SLC35F3: variants seen among roughly 807,000 people sequenced by gnomAD.
The protein encoded by SLC35F3 is solute carrier family 35 member F3, also known as putative thiamine transporter SLC35F3.
A neutral mutation model predicts 49.9 loss-of-function variants in SLC35F3; 25 were observed. The ratio of observed to expected loss-of-function variants is 0.50; its 90% CI spans 0.37 to 0.70. The LOEUF is 0.70. SLC35F3 is among the 30% of genes least tolerant of loss of function. The pLI is 0.00. For synonymous variants in SLC35F3, 275 were observed against 265.4 expected (o/e 1.04, Z -0.35); for missense variants, 525 against 639.8 (o/e 0.82, Z 1.94).
chr1:234,323,570 C>T lies in SLC35F3; in HGVS notation c.*327C>T. 5.7e-6 allele frequency: 2 copies of T among 348,958 alleles called. No individual in the cohort carries two copies. Among genetic ancestry groups the T allele is most frequent in the South Asian group, 8.0e-5 (2 of 25,064 alleles). The allele number at this position is 348,958 out of a possible 1,614,324, so 21.6% of individuals were successfully genotyped here. On this transcript the variant is annotated 3_prime_UTR_variant, in exon 8 of 8. Transcript: ENST00000366618. The surrounding 1 kb of genome is among the most constrained non-coding windows in gnomAD (Gnocchi z 4.5). ...TCAGGGCAAGTGTTTTGAATCTTAG[C>T]AAGTGTTTTGAATCTTAGCAACTGA...
At chr1:234,108,758 T>C (rs1467092527) in intron 2 of SLC35F3, among the ~76,000 whole-genome samples, 4 of 101,266 alleles carry the variant, frequency 3.9e-5, no homozygotes, top group African/African-American at 1.4e-4. Flanking sequence ...AAAAGATATA[T>C]ATAAATATAT....
chr1:234,155,222 T>C (rs1666132737), intron 2 of SLC35F3, among the ~76,000 whole-genome samples: 1 of 152,162 alleles, frequency 6.6e-6, no homozygotes, highest in South Asian at 2.1e-4. Context: ...AGGGGGAGAA[T>C]TGATTTATCT....
intron 2 of SLC35F3, among the ~76,000 whole-genome samples, chr1:234,164,091 C>CCTCT (rs1012972251): frequency 1.3e-5 from 2 of 150,984 alleles, no homozygotes; most frequent in African/African-American, 4.9e-5. Flanking sequence ...TGTCTCTCTC[C>CCTCT]CTCTCTCTCT....
At chr1:233,952,015 A>T (rs371904869) in intron 2 of SLC35F3, among the ~76,000 whole-genome samples, 1 of 152,098 alleles carries the variant, frequency 6.6e-6, no homozygotes, top group African/African-American at 2.4e-5. Context: ...CTCTAATCCC[A>T]ATAACTTTTC....
In SLC35F3 at chr1:234,231,318, C is replaced by T; in HGVS notation, c.284-99C>T. On this transcript the variant is annotated intron_variant, in intron 2 of 7. Transcript: ENST00000366618. The surrounding 1 kb of genome is among the most constrained non-coding windows in gnomAD (Gnocchi z 5.4). ...CTGCACCCGCTATCTCCCCGGGCCC[C>T]CAGGTAGCTGGTGGTGACAATGGCT... 9.5e-7 allele frequency: 1 copy of T among 1,057,592 alleles called. No individual in the cohort carries two copies. The highest frequency in any genetic ancestry group is 1.3e-6 in the Non-Finnish European group (1 of 756,900). 65.5% of individuals were successfully genotyped at this position (1,057,592 alleles called of 1,614,324 possible).
At chr1:234,185,488 CATTA>C (rs1666629693) in intron 2 of SLC35F3, among the ~76,000 whole-genome samples, 1 of 152,152 alleles carries the variant, frequency 6.6e-6, no homozygotes, top group African/African-American at 2.4e-5. Flanking sequence ...ATTTATTATT[CATTA>C]ATTAGTAGCT....
chr1:234,189,140 A>C (rs1666692662), intron 2 of SLC35F3, among the ~76,000 whole-genome samples: 1 of 152,098 alleles, frequency 6.6e-6, no homozygotes, highest in African/African-American at 2.4e-5. Context: ...CAATATGACA[A>C]AACAAGGTTC....
At chr1:234,190,694 AC>A (rs902207066) in intron 2 of SLC35F3, among the ~76,000 whole-genome samples, 1 of 152,242 alleles carries the variant, frequency 6.6e-6, no homozygotes, top group African/African-American at 2.4e-5. Context: ...CTGGGTTTAA[AC>A]TATACCCTAG....
At chr1:233,969,993 G>T (rs1662966764) in intron 2 of SLC35F3, among the ~76,000 whole-genome samples, 1 of 152,214 alleles carries the variant, frequency 6.6e-6, no homozygotes, top group African/African-American at 2.4e-5. Context: ...TTCTGCTCCT[G>T]CCTCATCGGA....
intron 3 of SLC35F3, among the ~76,000 whole-genome samples, chr1:234,237,382 A>T (rs1275747825): frequency 1.3e-5 from 2 of 152,170 alleles, no homozygotes; most frequent in African/African-American, 2.4e-5. Flanking sequence ...TGTTGATAAA[A>T]AGCACTTTAA....
chr1:233,906,424 TAGAC>T (rs1553284774), intron 2 of SLC35F3, among the ~76,000 whole-genome samples: 1 of 152,204 alleles, frequency 6.6e-6, no homozygotes, highest in Non-Finnish European at 1.5e-5. Context: ...TGTGATCAAT[TAGAC>T]AGACATTATC....
rs188358002 is a variant in SLC35F3 at position 234,241,539 on chromosome 1, C to T, written c.608+9798C>T. Among the ~76,000 whole-genome samples, 331 of 152,166 alleles carry T rather than the reference C, an allele frequency of 2.2e-3. 6 individuals carry two copies. The highest frequency in any genetic ancestry group is 7.7e-3 in the African/African-American group (321 of 41,508). ...TCACCTGAAGTCAGGAGTTCAAGAC[C>T]AGCCTGACCAACATGGCAAAACCCC... On this transcript the variant is annotated intron_variant, in intron 3 of 7. Transcript: ENST00000366618.
chr1:233,938,681 GATGGATGGATGGATGGATGA>G (rs1463069000), intron 2 of SLC35F3, among the ~76,000 whole-genome samples: 1 of 151,396 alleles, frequency 6.6e-6, no homozygotes, highest in Non-Finnish European at 1.5e-5. Flanking sequence ...TGGGTGGATG[GATGGATGGATGGATGGATGA>G]ATGGATGGAT....
At chr1:234,197,865 T>C (rs570544160) in intron 2 of SLC35F3, among the ~76,000 whole-genome samples, 1 of 152,366 alleles carries the variant, frequency 6.6e-6, no homozygotes, top group East Asian at 1.9e-4. Context: ...ACACATCTGT[T>C]GTGTTGAAAA....
chr1:233,998,568 T>C (rs1663499783), intron 2 of SLC35F3, among the ~76,000 whole-genome samples: 1 of 150,370 alleles, frequency 6.7e-6, no homozygotes, highest in Non-Finnish European at 1.5e-5. Flanking sequence ...TCTCAGGAAA[T>C]CATACGAGAT....
At chr1:234,048,224 G>A (rs779961976) in intron 2 of SLC35F3, among the ~76,000 whole-genome samples, 2 of 152,098 alleles carry the variant, frequency 1.3e-5, no homozygotes, top group Non-Finnish European at 2.9e-5. Flanking sequence ...ATTGAAAGAA[G>A]TGGTAAGCAA....
intron 3 of SLC35F3, among the ~76,000 whole-genome samples, chr1:234,301,214 G>T (rs1020248583): frequency 6.6e-6 from 1 of 152,168 alleles, no homozygotes; most frequent in Non-Finnish European, 1.5e-5. Flanking sequence ...GTGACTATTT[G>T]TAGGTTGAAG....
intron 2 of SLC35F3, among the ~76,000 whole-genome samples, chr1:233,941,882 C>G (rs985306462): frequency 1.7e-4 from 26 of 151,936 alleles, no homozygotes; most frequent in Non-Finnish European, 3.7e-4. Context: ...ACCCATGGAA[C>G]CATCACCAAT....
intron 2 of SLC35F3, among the ~76,000 whole-genome samples, chr1:234,089,237 C>G (rs1213304339): frequency 6.6e-6 from 1 of 152,146 alleles, no homozygotes; most frequent in African/African-American, 2.4e-5. Context: ...ATTAAATTAC[C>G]CAGACAGACC....
Sources: gnomAD v4.1 joint callset for allele counts (sites outside exome capture counted in the v4.1 genomes callset) on GRCh38, gnomAD v4.1.1 for gene constraint, Gnocchi (gnomAD v3.1) non-coding constraint, MANE v1.5 for transcripts, NCBI Gene and HGNC (gene_info 2026-07-23, HGNC 2026-07-21) for gene names.